Variants in IL6ST observed in about 807,000 individuals in gnomAD.
IL6ST encodes interleukin-6 receptor subunit beta.
A neutral mutation model predicts 91.3 loss-of-function variants in IL6ST; 24 were observed. The observed-to-expected ratio is 0.26, with a 90% CI of 0.19 to 0.37. IL6ST has a LOEUF of 0.37. IL6ST is among the 10% of genes least tolerant of loss of function. The pLI, the probability that IL6ST is intolerant of heterozygous loss-of-function variation, is 1.00. For missense variants in IL6ST, 914 were observed against 1,078.5 expected, an observed-to-expected ratio of 0.85 and a Z score of 2.14; for synonymous variants, 351 against 373.6, an observed-to-expected ratio of 0.94 and a Z score of 0.70.
At chr5:55,975,239 C>T (rs924099063) in intron 3 of IL6ST, among the ~76,000 whole-genome samples, 2 of 152,088 alleles carry the variant, frequency 1.3e-5, no homozygotes, top group African/African-American at 2.4e-5. Flanking sequence ...GTGGATTTCT[C>T]ACTTGGTACT....
intron 1 of IL6ST, among the ~76,000 whole-genome samples, chr5:55,987,124 T>C (rs1203609062): frequency 1.3e-5 from 2 of 152,188 alleles, no homozygotes; most frequent in Admixed American, 1.3e-4. Context: ...GTGGTTGCAC[T>C]ACTGCATTCC....
intron 5 of IL6ST, among the ~76,000 whole-genome samples, chr5:55,966,366 A>G (rs1282929729): frequency 1.3e-5 from 2 of 152,170 alleles, no homozygotes; most frequent in African/African-American, 4.8e-5. Flanking sequence ...ACTTGCTGGG[A>G]TTGACTGAAG....
chr5:55,949,441 C>T (rs1751473465), intron 14 of IL6ST, among the ~76,000 whole-genome samples: 1 of 152,112 alleles, frequency 6.6e-6, no homozygotes. Context: ...CACCACTGCA[C>T]TCCAGCCTGG....
In IL6ST at chr5:55,991,202, G is replaced by A. The variant is rs571538219; in HGVS notation, c.-104+3582C>T. 6.4e-4 allele frequency among the ~76,000 whole-genome samples: 98 copies of A among 152,196 alleles called. 5 individuals carry two copies. The South Asian group carries it at 0.019, about 30-fold the overall frequency. ...GTGAATAGTGCTGCAATAAACATAC[G>A]TGTGCATGTATGTCTTTATAGCAGC... On this transcript the variant is annotated intron_variant, in intron 1 of 16. Transcript: ENST00000381298.
At chr5:55,979,139 A>G (rs1753492469) in intron 2 of IL6ST, among the ~76,000 whole-genome samples, 1 of 151,976 alleles carries the variant, frequency 6.6e-6, no homozygotes, top group South Asian at 2.1e-4. Flanking sequence ...CACCTGTCAT[A>G]TCAGCACTTT....
intron 1 of IL6ST, among the ~76,000 whole-genome samples, chr5:55,992,604 C>T (rs1021543707): frequency 6.6e-6 from 1 of 152,162 alleles, no homozygotes; most frequent in African/African-American, 2.4e-5. Flanking sequence ...ATTAATAGAC[C>T]TTAGTTACTG....
intron 5 of IL6ST, among the ~76,000 whole-genome samples, chr5:55,966,120 T>C (rs76849712): frequency 0.051 from 7,833 of 152,228 alleles, 713 homozygotes; most frequent in African/African-American, 0.18. Context: ...AAACACAGAA[T>C]ACCATAGTTT....
chr5:55,942,704 T>C lies in IL6ST; in HGVS notation c.1985A>G (p.His662Arg), dbSNP rs775650484. The stretch of plus-strand genomic sequence containing the variant: ...AGTGTGAGGTGACCACTGGGCAATA[T>C]GACTCTTTGAAGGATCTGGAACATT... ...WPNVPDPSKS[H>R]IAQWSPHTPP... is the part of the protein sequence containing the mutation. The change falls in exon 16 of 17, where the codon CAT becomes CGT. Residue 662 changes from histidine (H) to arginine (R), a missense_variant. By Grantham distance (29) the His-to-Arg change is conservative. Transcript: ENST00000381298. The C allele has an allele frequency of 6.2e-7, 1 of 1,609,496 alleles. No individual in the cohort carries two copies. Among genetic ancestry groups the C allele is most frequent in the Admixed American group, 1.7e-5 (1 of 59,976 alleles).
intron 7 of IL6ST, among the ~76,000 whole-genome samples, chr5:55,961,925 C>T (rs1190037120): frequency 6.6e-6 from 1 of 152,076 alleles, no homozygotes; most frequent in East Asian, 1.9e-4. Context: ...CTATACAGGT[C>T]AGCATGACAC....
intron 2 of IL6ST, among the ~76,000 whole-genome samples, chr5:55,980,148 T>G (rs1403474243): frequency 1.3e-5 from 2 of 152,232 alleles, no homozygotes; most frequent in African/African-American, 4.8e-5. Context: ...ACAGGGTATT[T>G]GAGAGATCAG....
intron 1 of IL6ST, among the ~76,000 whole-genome samples, chr5:55,986,049 A>G (rs1466889230): frequency 6.6e-6 from 1 of 152,224 alleles, no homozygotes. Context: ...TTAGCCTTAT[A>G]AATCTTGAAA....
At chr5:55,949,055 A>T (rs1168876566) in intron 14 of IL6ST, 1 of 152,212 alleles carries the variant, frequency 6.6e-6, no homozygotes, top group African/African-American at 2.4e-5. Flanking sequence ...GGAAAAAAAT[A>T]TATACAAAGA....
At position 55,935,233 on chromosome 5, in the gene IL6ST, TCTCA is replaced by T. The variant is rs780311924; in HGVS notation, c.*5845_*5848del. ...AAAGCCATTTAAGTGAGGGGATAAT[TCTCA>T]CTAAAAAAAGCTCAAAAATAAGAAA... On this transcript the variant is annotated 3_prime_UTR_variant, in exon 17 of 17. Coordinates refer to ENST00000381298, the MANE Select transcript of IL6ST (RefSeq NM_002184.4). The T allele has an allele frequency of 3.8e-5, 7 of 183,000 alleles. No individual in the cohort carries two copies. In the East Asian group the frequency reaches 6.3e-4, roughly 16 times the overall value. The allele number at this position is 183,000 out of a possible 1,614,324, so 11.3% of individuals were successfully genotyped here. A position where few individuals can be genotyped will look rare whatever the true frequency, so the allele number is the denominator to read the frequency against.
intron 16 of IL6ST, 101 bp from the exon 17 acceptor site, chr5:55,941,920 C>G: frequency 1.0e-6 from 1 of 990,430 alleles, no homozygotes; most frequent in East Asian, 2.4e-5. Flanking sequence ...ACAGAAATAA[C>G]CTGTATTATG....
At chr5:55,992,649 T>A (rs965122906) in intron 1 of IL6ST, among the ~76,000 whole-genome samples, 2 of 152,160 alleles carry the variant, frequency 1.3e-5, no homozygotes, top group Non-Finnish European at 2.9e-5. Flanking sequence ...TATATTATGT[T>A]CTATATTCTC....
At chr5:55,971,961 TG>T (rs1372090290) in intron 3 of IL6ST, among the ~76,000 whole-genome samples, 9 of 152,226 alleles carry the variant, frequency 5.9e-5, no homozygotes, top group African/African-American at 2.2e-4. Flanking sequence ...TAAATCTTAG[TG>T]CATATATTAC....
At chr5:55,942,126 T>C (rs1238654223) in intron 16 of IL6ST, among the ~76,000 whole-genome samples, 1 of 152,220 alleles carries the variant, frequency 6.6e-6, no homozygotes, top group Non-Finnish European at 1.5e-5. Context: ...CAAACCTGAA[T>C]GACAGAGATT....
intron 6 of IL6ST, 120 bp from the exon 7 acceptor site, chr5:55,963,626 T>G: frequency 2.7e-6 from 2 of 748,622 alleles, no homozygotes; most frequent in Non-Finnish European, 4.2e-6. Flanking sequence ...CCAAATGAAC[T>G]AATTTCTCTG....
At chr5:55,965,396 T>C (rs1461500129) in intron 5 of IL6ST, among the ~76,000 whole-genome samples, 3 of 152,154 alleles carry the variant, frequency 2.0e-5, no homozygotes, top group African/African-American at 7.2e-5. Flanking sequence ...ATAGCCCTAA[T>C]TTTAAACTGA....
Sources: allele counts gnomAD v4.1 joint callset (sites outside exome capture counted in the v4.1 genomes callset), GRCh38; gene constraint gnomAD v4.1.1; transcripts MANE v1.5; gene names NCBI Gene and HGNC (gene_info 2026-07-23, HGNC 2026-07-21).